VPS35L: variants seen among roughly 807,000 people sequenced by gnomAD.
VPS35L encodes VPS35 endosomal protein sorting factor like.
Under a neutral mutation model 133.0 loss-of-function variants are expected in VPS35L, and 83 were observed. That is an observed-to-expected ratio of 0.62 (90% CI 0.52 to 0.75). The LOEUF (loss-of-function observed/expected upper bound fraction) is 0.75, where lower values mean the gene tolerates loss of function less well. Ranked by LOEUF, VPS35L falls within the 30% of genes least tolerant of loss-of-function variation. The pLI is 0.00. For synonymous variants in VPS35L, 423 were observed against 449.9 expected (o/e 0.94, Z 0.76); for missense variants, 1,083 against 1,206.8 (o/e 0.90, Z 1.52).
chr16:19,656,263 CAAAAA>C (rs34467290), intron 26 of VPS35L, among the ~76,000 whole-genome samples: 3 of 81,130 alleles, frequency 3.7e-5, no homozygotes, highest in Admixed American at 1.2e-4. Context: ...GACTCTGTCT[CAAAAA>C]AAAAAAAAAA....
At chr16:19,557,046 C>G (rs1386612628) in intron 1 of VPS35L, among the ~76,000 whole-genome samples, 1 of 152,038 alleles carries the variant, frequency 6.6e-6, no homozygotes, top group African/African-American at 2.4e-5. Context: ...GCAGGAGAGT[C>G]GCTTGAACCT....
intron 5 of VPS35L, 99 bp from the exon 6 acceptor site, chr16:19,578,953 G>A (rs1333488394): frequency 5.2e-6 from 5 of 958,676 alleles, no homozygotes; most frequent in African/African-American, 1.6e-5. Flanking sequence ...ATTCCCTTGT[G>A]TCTTTATTCA....
intron 28 of VPS35L, among the ~76,000 whole-genome samples, chr16:19,688,477 G>A (rs760291363): frequency 2.6e-5 from 4 of 152,178 alleles, no homozygotes; most frequent in Non-Finnish European, 5.9e-5. Flanking sequence ...ACTTGTGGCC[G>A]CGTGTACACA....
chr16:19,578,271 A>G (rs1405239670), intron 5 of VPS35L: 1 of 442,938 alleles, frequency 2.3e-6, no homozygotes. Flanking sequence ...CTAAGTCCAC[A>G]TTTCTTTCTT....
At chr16:19,582,765 G>C (rs1971749242) in intron 7 of VPS35L, among the ~76,000 whole-genome samples, 1 of 152,192 alleles carries the variant, frequency 6.6e-6, no homozygotes, top group Non-Finnish European at 1.5e-5. Flanking sequence ...GGGGAGATTT[G>C]ATTCATGTCT....
rs1971289570 is a variant in VPS35L at position 19,569,418 on chromosome 16, T to C, written c.118-6T>C. The C allele has an allele frequency of 1.3e-6, 2 of 1,592,580 alleles. No homozygotes were observed. The highest frequency in any genetic ancestry group is 1.7e-6 in the Non-Finnish European group (2 of 1,169,270). On this transcript the variant is annotated splice_region_variant and splice_polypyrimidine_tract_variant and intron_variant, in intron 2 of 30. Coordinates refer to ENST00000417362, the MANE Select transcript of VPS35L (RefSeq NM_020314.7). ...TCCGTTTTACCTCCAGAAATTTTCC[T>C]CACAGGTCACAGAGTCAAAGACAAA...
chr16:19,577,777 C>T (rs974218560), intron 5 of VPS35L, among the ~76,000 whole-genome samples: 3 of 152,158 alleles, frequency 2.0e-5, no homozygotes, highest in African/African-American at 4.8e-5. Flanking sequence ...TCCAAGGGCA[C>T]TCCCCTCACC....
chr16:19,610,238 G>T, intron 11 of VPS35L, 84 bp from the exon 12 acceptor site: 1 of 1,153,490 alleles, frequency 8.7e-7, no homozygotes. Context: ...TGAAATTTAG[G>T]AAGTCTTTAT....
At chr16:19,631,225 C>G (rs1166748800) in intron 18 of VPS35L, among the ~76,000 whole-genome samples, 3 of 152,138 alleles carry the variant, frequency 2.0e-5, no homozygotes, top group Non-Finnish European at 4.4e-5. Context: ...GAAGCCCAAA[C>G]AGACTAAGCC....
At chr16:19,698,839 T>C (rs1242144547) in intron 29 of VPS35L, among the ~76,000 whole-genome samples, 1 of 152,202 alleles carries the variant, frequency 6.6e-6, no homozygotes, top group South Asian at 2.1e-4. Context: ...CTCCTGGGCC[T>C]GGTGTTGCAT....
At chr16:19,659,053 G>T (rs1000011122) in intron 26 of VPS35L, among the ~76,000 whole-genome samples, 2 of 152,126 alleles carry the variant, frequency 1.3e-5, no homozygotes, top group Non-Finnish European at 2.9e-5. Flanking sequence ...ATAACATAGG[G>T]TTGTATTTCT....
chr16:19,699,263 C>G lies in VPS35L; in HGVS notation c.2647-239C>G. On this transcript the variant is annotated intron_variant, in intron 29 of 30. Transcript: ENST00000417362. This position sits in a 1 kb window ranked among gnomAD's most constrained non-coding sequence, Gnocchi z 4.2. ...TTCATGAGTAATGACCATCTGTGGG[C>G]ACAGAGCTTCGTCATCTTACTGAAT... 4.4e-6 allele frequency: 2 copies of G among 459,592 alleles called. No individual in the cohort carries two copies. Among genetic ancestry groups the G allele is most frequent in the South Asian group, 5.3e-5 (2 of 37,992 alleles). 28.5% of individuals were successfully genotyped at this position (459,592 alleles called of 1,614,324 possible). A position where few individuals can be genotyped will look rare whatever the true frequency, so the allele number is the denominator to read the frequency against.
At position 19,616,197 on chromosome 16, in the gene VPS35L, A is replaced by G. The variant is rs779104318; in HGVS notation, c.1101+6A>G. ...TCCTCCTTACGTTCAAACAGGTAAG[A>G]GAACACTATCAGAATAGCTCATCGA... On this transcript the variant is annotated splice_donor_region_variant and intron_variant, in intron 13 of 30. Transcript: ENST00000417362. 1 of 1,600,544 alleles carries G rather than the reference A, an allele frequency of 6.2e-7. No individual in the cohort carries two copies. Among genetic ancestry groups the G allele is most frequent in the Non-Finnish European group, 8.6e-7 (1 of 1,167,988 alleles).
chr16:19,700,240 C>A (rs1368335119), intron 30 of VPS35L, 138 bp from the exon 31 acceptor site: 4 of 648,832 alleles, frequency 6.2e-6, no homozygotes, highest in East Asian at 2.8e-5. Flanking sequence ...ACTTTGATTT[C>A]TTCCCTCCTC....
chr16:19,662,294 C>G (rs1407298985), intron 26 of VPS35L, among the ~76,000 whole-genome samples: 1 of 151,950 alleles, frequency 6.6e-6, no homozygotes, highest in African/African-American at 2.4e-5. Context: ...CACCTGAGGT[C>G]AGGGGTTCGA....
chr16:19,670,428 C>T (rs1041386720), intron 27 of VPS35L, among the ~76,000 whole-genome samples: 6 of 152,206 alleles, frequency 3.9e-5, no homozygotes, highest in Non-Finnish European at 8.8e-5. Context: ...TATAACATCC[C>T]TGGGCTGCAG....
rs1000555324 is a variant in VPS35L at position 19,639,614 on chromosome 16, G to A, written c.1699-401G>A. Among the ~76,000 whole-genome samples the A allele has an allele frequency of 6.6e-6, 1 of 152,028 alleles. No individual in the cohort carries two copies. The highest frequency in any genetic ancestry group is 1.5e-5 in the Non-Finnish European group (1 of 68,006). Reference sequence around the variant, plus strand: ...GTGATCTCGGTTCACTGCAACTTCCGCCTTCCCGAGTTCAAGCAGTTCTCC... The same window carrying A: ...GTGATCTCGGTTCACTGCAACTTCCACCTTCCCGAGTTCAAGCAGTTCTCC... On this transcript the variant is annotated intron_variant, in intron 20 of 30. Coordinates refer to ENST00000417362, the MANE Select transcript of VPS35L (RefSeq NM_020314.7). The surrounding 1 kb of genome is among the most constrained non-coding windows in gnomAD (Gnocchi z 4.1).
chr16:19,681,722 T>C (rs1452824862), intron 27 of VPS35L, among the ~76,000 whole-genome samples: 1 of 152,194 alleles, frequency 6.6e-6, no homozygotes, highest in Non-Finnish European at 1.5e-5. Context: ...ATTTGGCTGT[T>C]ACCGTTGTTG....
chr16:19,584,342 T>C (rs1443957883), intron 7 of VPS35L, among the ~76,000 whole-genome samples: 1 of 152,180 alleles, frequency 6.6e-6, no homozygotes, highest in Non-Finnish European at 1.5e-5. Flanking sequence ...GAGTTCCCTT[T>C]TCGGCTGGGT....
Sources: allele counts gnomAD v4.1 joint callset (sites outside exome capture counted in the v4.1 genomes callset), GRCh38; gene constraint gnomAD v4.1.1; non-coding constraint Gnocchi (gnomAD v3.1); transcripts MANE v1.5; gene names NCBI Gene and HGNC (gene_info 2026-07-23, HGNC 2026-07-21).